The following TLK1 variants were observed in gnomAD, a reference collection of about 807,000 sequenced individuals.
The protein encoded by TLK1 is serine/threonine-protein kinase tousled-like 1.
In TLK1, 24 loss-of-function variants were observed where a neutral mutation model predicts 105.3. That is an observed-to-expected ratio of 0.23 (90% CI 0.17 to 0.32). The LOEUF (loss-of-function observed/expected upper bound fraction) is 0.32, where lower values mean the gene tolerates loss of function less well. Ranked by LOEUF, TLK1 falls within the 10% of genes least tolerant of loss-of-function variation. The pLI is 1.00. For synonymous variants in TLK1, 321 were observed against 310.4 expected (o/e 1.03, Z -0.36); for missense variants, 558 against 910.5 (o/e 0.61, Z 4.98).
At chr2:171,058,912 T>A (rs1410331782) in intron 4 of TLK1, among the ~76,000 whole-genome samples, 1 of 152,192 alleles carries the variant, frequency 6.6e-6, no homozygotes, top group Non-Finnish European at 1.5e-5. Flanking sequence ...TTGCTTAATA[T>A]AAACATACAT....
At chr2:171,188,993 C>G (rs909402185) in intron 1 of TLK1, among the ~76,000 whole-genome samples, 8 of 151,678 alleles carry the variant, frequency 5.3e-5, no homozygotes, top group African/African-American at 1.9e-4. Flanking sequence ...TAATAAGAAC[C>G]AATAATTATT....
intron 1 of TLK1, among the ~76,000 whole-genome samples, chr2:171,120,139 C>G (rs925484746): frequency 5.3e-5 from 8 of 150,782 alleles, no homozygotes; most frequent in African/African-American, 2.0e-4. Context: ...ATCTCAGCTA[C>G]TCAGGAGGCT....
chr2:171,019,389 T>C (rs1425167177), intron 12 of TLK1, among the ~76,000 whole-genome samples: 1 of 152,180 alleles, frequency 6.6e-6, no homozygotes, highest in Non-Finnish European at 1.5e-5. Context: ...CTGGAGTATT[T>C]TGGAGCATTT....
rs184510713 is a variant in TLK1, at chr2:171,094,133, A to G, written c.259-11281T>C. 5.4e-4 allele frequency among the ~76,000 whole-genome samples: 82 copies of G among 151,984 alleles called. 1 individual carries two copies. The highest frequency in any genetic ancestry group is 4.6e-3 in the South Asian group (22 of 4,812). ...GCAGAAATAGGTCTTTTATAAGTAT[A>G]TTATTTGAATTTTAAAGTAAATATA... is the stretch of plus-strand genomic sequence containing the variant. On this transcript the variant is annotated intron_variant, in intron 2 of 20. Transcript: ENST00000431350.
rs762296537 is a variant in TLK1, at chr2:170,996,683, A to T, written c.2094T>A (p.Pro698=). 1.2e-6 allele frequency: 2 copies of T among 1,613,714 alleles called. No homozygotes were observed. Among genetic ancestry groups the T allele is most frequent in the South Asian group, 2.2e-5 (2 of 90,936 alleles). ...TILKATEVQF[P]VKPVVSSEAK... is the part of the protein sequence containing the mutation. Reference sequence around the variant, plus strand: ...CTTCACTGCTTACAACCGGTTTTACAGGGAACTGGACTTCTGTGGCTTTTA... The same window carrying T: ...CTTCACTGCTTACAACCGGTTTTACTGGGAACTGGACTTCTGTGGCTTTTA... Residue 698 remains proline (P), a synonymous_variant, in exon 20 of 21, where the codon CCT becomes CCA. Coordinates refer to ENST00000431350, the MANE Select transcript of TLK1 (RefSeq NM_012290.5).
intron 3 of TLK1, among the ~76,000 whole-genome samples, chr2:171,077,439 C>T (rs1688562698): frequency 6.6e-6 from 1 of 152,222 alleles, no homozygotes; most frequent in South Asian, 2.1e-4. Flanking sequence ...TAGATACTGT[C>T]TCCCTTCCTT....
intron 11 of TLK1, among the ~76,000 whole-genome samples, chr2:171,028,951 A>T (rs1333727337): frequency 3.6e-4 from 1 of 2,788 alleles, no homozygotes; most frequent in African/African-American, 4.2e-4. Flanking sequence ...TAGAGAGGTG[A>T]CCATCTAAAT....
intron 1 of TLK1, among the ~76,000 whole-genome samples, chr2:171,122,733 T>C (rs1319936075): frequency 6.7e-6 from 1 of 150,018 alleles, no homozygotes; most frequent in African/African-American, 2.5e-5. Flanking sequence ...CAAGATACAA[T>C]AATGAGTATA....
chr2:170,995,145 A>G (rs1173191100), intron 20 of TLK1, among the ~76,000 whole-genome samples: 1 of 152,100 alleles, frequency 6.6e-6, no homozygotes, highest in Non-Finnish European at 1.5e-5. Flanking sequence ...TCACTTTGAA[A>G]AATGATTAAG....
chr2:171,024,927 ATATT>A (rs1351744193), intron 12 of TLK1, among the ~76,000 whole-genome samples: 1 of 151,944 alleles, frequency 6.6e-6, no homozygotes, highest in East Asian at 1.9e-4. Context: ...ATAACAATAA[ATATT>A]AGATAAAAGA....
intron 3 of TLK1, among the ~76,000 whole-genome samples, chr2:171,072,615 A>T (rs1688313752): frequency 6.6e-6 from 1 of 152,186 alleles, no homozygotes; most frequent in Non-Finnish European, 1.5e-5. Context: ...TTTAAAAAAA[A>T]ATATTAGCCA....
intron 2 of TLK1, among the ~76,000 whole-genome samples, chr2:171,092,338 T>G (rs1689272160): frequency 6.6e-6 from 1 of 152,188 alleles, no homozygotes; most frequent in South Asian, 2.1e-4. Flanking sequence ...GACATTCACT[T>G]TCACACTACA....
intron 2 of TLK1, among the ~76,000 whole-genome samples, chr2:171,105,688 A>G (rs1015276894): frequency 8.0e-5 from 12 of 149,356 alleles, no homozygotes; most frequent in East Asian, 1.9e-4. Flanking sequence ...CTCCGTCTCG[A>G]AAAAAAAAAG....
chr2:171,052,692 C>T (rs1324342245), intron 8 of TLK1, among the ~76,000 whole-genome samples: 2 of 152,082 alleles, frequency 1.3e-5, no homozygotes, highest in Non-Finnish European at 2.9e-5. Flanking sequence ...TTTAATACAA[C>T]CATAAAGAAA....
chr2:171,071,380 C>T (rs980586587), intron 3 of TLK1, among the ~76,000 whole-genome samples: 1 of 152,028 alleles, frequency 6.6e-6, no homozygotes, highest in Non-Finnish European at 1.5e-5. Context: ...CTCTGCCTCC[C>T]GGGTTCACGC....
intron 1 of TLK1, among the ~76,000 whole-genome samples, chr2:171,178,016 G>A (rs956292177): frequency 6.6e-6 from 1 of 151,796 alleles, no homozygotes; most frequent in African/African-American, 2.4e-5. Context: ...CTGGTCCCCT[G>A]AGATCTCCCG....
At chr2:171,073,483 T>C (rs1688353997) in intron 3 of TLK1, among the ~76,000 whole-genome samples, 1 of 152,232 alleles carries the variant, frequency 6.6e-6, no homozygotes, top group South Asian at 2.1e-4. Context: ...TACTCAAACA[T>C]TAAAAAAAGC....
upstream of TLK1, chr2:171,160,983 C>T: frequency 2.0e-5 from 3 of 146,472 alleles, no homozygotes; most frequent in Non-Finnish European, 3.7e-5. This position sits in a 1 kb window ranked among gnomAD's most constrained non-coding sequence, Gnocchi z 4.4. Flanking sequence ...GCGGCGGCGG[C>T]GGCGGCAGCG....
chr2:171,136,286 A>G (rs756338652), intron 1 of TLK1, among the ~76,000 whole-genome samples: 10 of 152,214 alleles, frequency 6.6e-5, no homozygotes, highest in Non-Finnish European at 1.5e-4. Flanking sequence ...CAGAGACAGA[A>G]AGTAGAATAG....
Sources: allele counts gnomAD v4.1 joint callset (sites outside exome capture counted in the v4.1 genomes callset), GRCh38; gene constraint gnomAD v4.1.1; non-coding constraint Gnocchi (gnomAD v3.1); transcripts MANE v1.5; gene names NCBI Gene and HGNC (gene_info 2026-07-23, HGNC 2026-07-21).